The following DBF4B variants were observed in gnomAD, a reference collection of about 807,000 sequenced individuals.
DBF4B encodes the protein protein DBF4 homolog B.
In DBF4B, 49 loss-of-function variants were observed where a neutral mutation model predicts 53.4. That is an observed-to-expected ratio of 0.92 (90% confidence interval 0.73 to 1.16). DBF4B has a LOEUF of 1.16. DBF4B is among the 50% of genes most tolerant of loss of function. DBF4B has a pLI of 0.00. For missense variants in DBF4B, 692 were observed against 775.0 expected (o/e 0.89, Z 1.27); for synonymous variants, 257 against 288.7 (o/e 0.89, Z 1.11).
At chr17:44,723,735 G>A (rs1220457356) in intron 3 of DBF4B, among the ~76,000 whole-genome samples, 1 of 151,712 alleles carries the variant, frequency 6.6e-6, no homozygotes, top group Admixed American at 6.6e-5. Context: ...CTCCAGCCTG[G>A]GAGACAGAGT....
At position 44,722,998 on chromosome 17, in the gene DBF4B, G is replaced by A. The variant is rs1312675663; in HGVS notation, c.201G>A (p.Thr67=). 41 of 1,613,900 alleles carry A rather than the reference G, an allele frequency of 2.5e-5. No homozygotes were observed. Among genetic ancestry groups the A allele is most frequent in the East Asian group, 6.7e-5 (3 of 44,888 alleles). ...CTGGCAAGAATCTCCAGTTTTTGAC[G>A]GGGGCCATTCAGCAACTGGGTGGGG... ...LPAGKNLQFL[T]GAIQQLGGVI... The change falls in exon 3 of 14, where the codon ACG becomes ACA. Residue 67 remains threonine (T), a synonymous_variant. Coordinates refer to ENST00000315005, the MANE Select transcript of DBF4B (RefSeq NM_145663.3).
chr17:44,724,850 C>T (rs1232705102), intron 3 of DBF4B, among the ~76,000 whole-genome samples: 1 of 152,058 alleles, frequency 6.6e-6, no homozygotes, highest in East Asian at 1.9e-4. Flanking sequence ...GGCACGGTGG[C>T]TTACTCCTGT....
intron 3 of DBF4B, 114 bp downstream of exon 3, chr17:44,723,136 T>A: frequency 7.1e-7 from 1 of 1,405,094 alleles, no homozygotes; most frequent in Non-Finnish European, 9.5e-7. Flanking sequence ...AGACAGAGTC[T>A]TGCTCTATAA....
chr17:44,712,995 G>A (rs1025968705), intron 2 of DBF4B, among the ~76,000 whole-genome samples: 1 of 141,754 alleles, frequency 7.1e-6, no homozygotes, highest in Non-Finnish European at 1.5e-5. Context: ...TATCTCCCCA[G>A]TATATATGTA....
In DBF4B at chr17:44,730,957, C is replaced by T; in HGVS notation, c.418-8C>T. ...CAGCAGACCTCACTGCTCTTCTGTC[C>T]CTGTCAGGTGCCTCTAAGCAGAGGG... On this transcript the variant is annotated splice_polypyrimidine_tract_variant and splice_region_variant and intron_variant, in intron 4 of 13. Transcript: ENST00000315005. 1 of 1,613,730 alleles carries T rather than the reference C, an allele frequency of 6.2e-7. No homozygotes were observed. Among genetic ancestry groups the T allele is most frequent in the Non-Finnish European group, 8.5e-7 (1 of 1,179,774 alleles).
At chr17:44,708,935 G>C in intron 1 of DBF4B, 96 bp downstream of exon 1, 1 of 1,498,520 alleles carries the variant, frequency 6.7e-7, no homozygotes, top group Non-Finnish European at 9.0e-7. Context: ...GAAGTGACCA[G>C]CGGGTAGGTG....
intron 11 of DBF4B, 80 bp downstream of exon 11, chr17:44,747,271 C>T (rs1440993737): frequency 1.7e-5 from 27 of 1,592,550 alleles, no homozygotes; most frequent in Non-Finnish European, 2.1e-5. Context: ...CCTTCCTATG[C>T]GATCTCTATG....
Position 44,741,572 on chromosome 17 carries a change from C to G in DBF4B, c.830+120C>G, listed in dbSNP as rs1976033482. Reference sequence around the variant, plus strand: ...GTTTGCTCCTTAGGCAAAGTCTATTCTGGGAACGTAGCCCAGAGAAGAGAG... The same window carrying G: ...GTTTGCTCCTTAGGCAAAGTCTATTGTGGGAACGTAGCCCAGAGAAGAGAG... On this transcript the variant is annotated intron_variant, in intron 10 of 13. Transcript: ENST00000315005. 12 of 632,654 alleles carry G rather than the reference C, an allele frequency of 1.9e-5. No individual in the cohort carries two copies. In the East Asian group the frequency reaches 3.5e-4, roughly 18 times the overall value. 39.2% of individuals were successfully genotyped at this position (632,654 alleles called of 1,614,324 possible).
intron 2 of DBF4B, among the ~76,000 whole-genome samples, chr17:44,716,574 A>G (rs1973354537): frequency 6.6e-6 from 1 of 152,108 alleles, no homozygotes; most frequent in Non-Finnish European, 1.5e-5. Flanking sequence ...TGTGCTTTGT[A>G]AGATACTAAG....
At chr17:44,748,926 C>T (rs1221159734) in intron 13 of DBF4B, 8 of 1,290,046 alleles carry the variant, frequency 6.2e-6, no homozygotes, top group South Asian at 1.2e-5. Flanking sequence ...ACCCCTTCCC[C>T]TGGCAGCCCA....
chr17:44,736,903 C>T (rs1317641838), intron 8 of DBF4B, 37 bp downstream of exon 8: 1 of 1,610,528 alleles, frequency 6.2e-7, no homozygotes, highest in Non-Finnish European at 8.5e-7. Context: ...AATTGCAATC[C>T]CTCCCTCCCT....
At chr17:44,746,247 AAAAG>A (rs1206042336) in intron 10 of DBF4B, among the ~76,000 whole-genome samples, 6 of 151,314 alleles carry the variant, frequency 4.0e-5, no homozygotes, top group South Asian at 2.1e-4. Context: ...AAAAAAAAAA[AAAAG>A]AAGTCAGGTT....
At chr17:44,750,034 G>A in intron 13 of DBF4B, 1 of 1,000,512 alleles carries the variant, frequency 1.0e-6, no homozygotes, top group Non-Finnish European at 1.2e-6. Context: ...TGTGGCCAGA[G>A]CCCCCTCTGG....
At chr17:44,710,917 T>C (rs777428382) in intron 2 of DBF4B, among the ~76,000 whole-genome samples, 6 of 151,940 alleles carry the variant, frequency 3.9e-5, no homozygotes, top group Non-Finnish European at 7.4e-5. Context: ...TAAAATTTAC[T>C]ATAAGATGAT....
At position 44,748,357 on chromosome 17, in the gene DBF4B, G is replaced by A. The variant is rs757750200; in HGVS notation, c.1081G>A (p.Ala361Thr). 1.6e-5 allele frequency: 26 copies of A among 1,603,258 alleles called. No individual in the cohort carries two copies. The highest frequency in any genetic ancestry group is 2.1e-5 in the Non-Finnish European group (25 of 1,174,634). ...TCCCAACAGGTGGTCAGGTTCCCCA[G>A]CTTCTGATTGTGACCCTCTCTGTCC... ...AGLPRWSGSP[A>T]SDCDPLCPET... The change falls in exon 13 of 14, where the codon GCT (alanine) becomes ACT (threonine). Residue 361 changes from alanine (A) to threonine (T), a missense_variant. Ala to Thr is a moderately conservative substitution (Grantham distance 58, BLOSUM62 0). Transcript: ENST00000315005.
At chr17:44,717,412 T>C (rs1973419974) in intron 2 of DBF4B, among the ~76,000 whole-genome samples, 1 of 152,032 alleles carries the variant, frequency 6.6e-6, no homozygotes. Flanking sequence ...AATAGTACAA[T>C]TAAAAAAATC....
At chr17:44,733,743 C>T (rs920295153) in intron 6 of DBF4B, 5 of 239,804 alleles carry the variant, frequency 2.1e-5, no homozygotes, top group African/African-American at 1.1e-4. Context: ...CCTGAGGGTA[C>T]AGCTGAGTAG....
At chr17:44,718,176 A>C (rs1973494652) in intron 2 of DBF4B, among the ~76,000 whole-genome samples, 1 of 152,142 alleles carries the variant, frequency 6.6e-6, no homozygotes, top group Non-Finnish European at 1.5e-5. Flanking sequence ...TCATGCCTGT[A>C]ATCCCAGCAC....
chr17:44,736,866 G>A lies in DBF4B; in HGVS notation c.667G>A (p.Val223Met). The stretch of plus-strand genomic sequence containing the variant: ...AGCAGCAGAGTCAAGAACACGGAAA[G>A]GTCAGTGTGGTAGCTTTTCCTCATC... ...CPAAESRTRKVARLKAPFLKI... is the reference protein window; with the variant it reads ...CPAAESRTRKMARLKAPFLKI... The change falls in exon 8 of 14, where the codon GTG becomes ATG. Residue 223 changes from valine to methionine, a missense_variant and splice_region_variant. Around this residue, in one of 3 missense-constraint regions of DBF4B, gnomAD observed 597 missense variants for 665.8 expected, o/e 0.90. Transcript: ENST00000315005. 6.2e-7 allele frequency: 1 copy of A among 1,613,976 alleles called. No homozygotes were observed. The highest frequency in any genetic ancestry group is 8.5e-7 in the Non-Finnish European group (1 of 1,179,930).
Sources: allele counts gnomAD v4.1 joint callset (sites outside exome capture counted in the v4.1 genomes callset), GRCh38; gene constraint gnomAD v4.1.1; regional missense constraint gnomAD v4.1.1; transcripts MANE v1.5; gene names NCBI Gene and HGNC (gene_info 2026-07-23, HGNC 2026-07-21).